The following CACNA1C variants were observed in gnomAD, a reference collection of about 807,000 sequenced individuals.
CACNA1C encodes the protein calcium voltage-gated channel subunit alpha1 C.
In CACNA1C, 30 loss-of-function variants were observed where a neutral mutation model predicts 229.0. The ratio of observed to expected loss-of-function variants is 0.13; its 90% CI spans 0.10 to 0.18. The LOEUF (loss-of-function observed/expected upper bound fraction) is 0.18. Among genes scored for constraint, CACNA1C ranks in the 10% least tolerant of loss-of-function variants. The pLI, the probability that CACNA1C is intolerant of heterozygous loss-of-function variation, is 1.00. For missense variants in CACNA1C, 1,658 were observed against 2,845.0 expected, an observed-to-expected ratio of 0.58 and a Z score of 9.49; for synonymous variants, 1,114 against 1,132.5, an observed-to-expected ratio of 0.98 and a Z score of 0.33.
rs148624132 is a variant in CACNA1C at position 2,286,519 on chromosome 12, A to G, written c.478-162457A>G. On this transcript the variant is annotated intron_variant, in intron 3 of 46. Coordinates refer to ENST00000399655, the MANE Select transcript of CACNA1C (RefSeq NM_000719.7). ...AACAGGGCCTGATGGCCCAGCACCC[A>G]GCTGCTTTGCAGTAGTTCTGGCTTC... 1.6e-3 allele frequency among the ~76,000 whole-genome samples: 245 copies of G among 152,326 alleles called. 2 individuals carry two copies. Among genetic ancestry groups the G allele is most frequent in the African/African-American group, 5.6e-3 (233 of 41,592 alleles).
In CACNA1C at chr12:2,602,597, G is replaced by A. The variant is rs1302377701; in HGVS notation, c.2960+637G>A. Among the ~76,000 whole-genome samples the A allele has an allele frequency of 2.6e-5, 4 of 151,142 alleles. No homozygotes were observed. The highest frequency in any genetic ancestry group is 5.9e-5 in the Non-Finnish European group (4 of 67,898). ...TGTATGTGCATATGTATGTGTGAGTGCATGTATGTGTGTGACTGTGTATAT... is the reference window on the plus strand; with the variant it reads ...TGTATGTGCATATGTATGTGTGAGTACATGTATGTGTGTGACTGTGTATAT... On this transcript the variant is annotated intron_variant, in intron 22 of 46. Coordinates refer to ENST00000399655, the MANE Select transcript of CACNA1C (RefSeq NM_000719.7). The surrounding 1 kb of genome is among the most constrained non-coding windows in gnomAD (Gnocchi z 4.4).
chr12:2,646,252 A>C lies in CACNA1C; in HGVS notation c.3913-2223A>C, dbSNP rs1015101255. 1 of 152,220 alleles carries C rather than the reference A, an allele frequency of 6.6e-6. No homozygotes were observed. Among genetic ancestry groups the C allele is most frequent in the African/African-American group, 2.4e-5 (1 of 41,454 alleles). 9.4% of individuals were successfully genotyped at this position (152,220 alleles called of 1,614,324 possible). On this transcript the variant is annotated intron_variant, in intron 30 of 46. Coordinates refer to ENST00000399655, the MANE Select transcript of CACNA1C (RefSeq NM_000719.7). The surrounding 1 kb of genome is among the most constrained non-coding windows in gnomAD (Gnocchi z 4.6). ...GAAGGATTCTGAATGTTTAAGAAGT[A>C]AAACAGGTTTTTTTTGGTTTTGTTT...
chr12:2,293,415 AT>A (rs1204350410), intron 3 of CACNA1C, among the ~76,000 whole-genome samples: 1 of 152,142 alleles, frequency 6.6e-6, no homozygotes, highest in Non-Finnish European at 1.5e-5. Context: ...TATAATTAAT[AT>A]TTTTCAGCCC....
At chr12:2,370,062 C>T (rs1023959748) in intron 3 of CACNA1C, among the ~76,000 whole-genome samples, 63 of 152,024 alleles carry the variant, frequency 4.1e-4, no homozygotes, top group Admixed American at 2.0e-4. Flanking sequence ...TGGCAAAGGA[C>T]GTGAACAGAT....
chr12:2,633,562 G>A lies in CACNA1C; in HGVS notation c.3829-735G>A. The stretch of plus-strand genomic sequence containing the variant: ...CCTGGACGATGATTCTGATGGTGGT[G>A]TTGCTCTGTTCTTGTCTGTCTAATA... On this transcript the variant is annotated intron_variant, in intron 29 of 46. Coordinates refer to ENST00000399655, the MANE Select transcript of CACNA1C (RefSeq NM_000719.7). This position sits in a 1 kb window ranked among gnomAD's most constrained non-coding sequence, Gnocchi z 5.8. The A allele has an allele frequency of 1.1e-6, 1 of 915,542 alleles. No homozygotes were observed. Among genetic ancestry groups the A allele is most frequent in the Non-Finnish European group, 1.8e-6 (1 of 547,558 alleles). The allele number at this position is 915,542 out of a possible 1,614,324, so 56.7% of individuals were successfully genotyped here.
chr12:2,420,001 C>T (rs563900469), intron 3 of CACNA1C, among the ~76,000 whole-genome samples: 2 of 152,270 alleles, frequency 1.3e-5, no homozygotes, highest in South Asian at 2.1e-4. Flanking sequence ...CTTGCTCTGG[C>T]CCTGCCAAGC....
At position 2,053,760 on chromosome 12, in the gene CACNA1C, C is replaced by T; in HGVS notation, c.49+149C>T. ...GGGGCGCCTCCGCCTCGTCGGAGCG[C>T]CCGGGAGCCCGGCGGGACCGGGGCC... On this transcript the variant is annotated intron_variant, in intron 1 of 46. Transcript: ENST00000399655. The surrounding 1 kb of genome is among the most constrained non-coding windows in gnomAD (Gnocchi z 5.8). The T allele has an allele frequency of 1.3e-6, 1 of 791,546 alleles. No homozygotes were observed. The highest frequency in any genetic ancestry group is 1.7e-6 in the Non-Finnish European group (1 of 602,100). The allele number at this position is 791,546 out of a possible 1,614,324, so 49.0% of individuals were successfully genotyped here. A position where few individuals can be genotyped will look rare whatever the true frequency, so the allele number is the denominator to read the frequency against.
intron 9 of CACNA1C, among the ~76,000 whole-genome samples, chr12:2,541,275 G>A (rs2099869545): frequency 1.3e-5 from 2 of 152,196 alleles, no homozygotes; most frequent in Admixed American, 6.5e-5. Context: ...AAATTACAGG[G>A]TGTTTTAGAT....
chr12:2,530,185 A>G (rs149080501), intron 9 of CACNA1C, among the ~76,000 whole-genome samples: 101 of 151,564 alleles, frequency 6.7e-4, no homozygotes, highest in African/African-American at 2.3e-3. Context: ...GCTAAGTTTA[A>G]TCAGATCAGT....
chr12:2,495,706 G>A (rs966634599), intron 7 of CACNA1C, among the ~76,000 whole-genome samples: 3 of 152,214 alleles, frequency 2.0e-5, no homozygotes, highest in African/African-American at 7.2e-5. Context: ...CAGTGTCAGA[G>A]GTGAAGAAAC....
Position 2,152,444 on chromosome 12 carries a change from C to T in CACNA1C, c.477+32014C>T, listed in dbSNP as rs1056712509. Among the ~76,000 whole-genome samples the T allele has an allele frequency of 2.6e-5, 4 of 152,202 alleles. No homozygotes were observed. Among genetic ancestry groups the T allele is most frequent in the African/African-American group, 7.2e-5 (3 of 41,454 alleles). On this transcript the variant is annotated intron_variant, in intron 3 of 46. Transcript: ENST00000399655. The surrounding 1 kb of genome is among the most constrained non-coding windows in gnomAD (Gnocchi z 4.2). ...CCCTTTCCCTTTCTCCCTCTGCAGG[C>T]GTGTTGCCGTCATGGTGAGGAGCCA...
At chr12:2,192,124 C>A (rs955977420) in intron 3 of CACNA1C, among the ~76,000 whole-genome samples, 3 of 152,152 alleles carry the variant, frequency 2.0e-5, no homozygotes, top group Non-Finnish European at 4.4e-5. Context: ...CCCCTCCCTC[C>A]CTCTCACGGT....
chr12:2,205,106 G>C (rs1055560788), intron 3 of CACNA1C, among the ~76,000 whole-genome samples: 4 of 152,158 alleles, frequency 2.6e-5, no homozygotes, highest in Non-Finnish European at 5.9e-5. Flanking sequence ...TCCACCCACA[G>C]CAGTCCCAGG....
Position 2,665,468 on chromosome 12 carries a change from G to A in CACNA1C, c.4399-113G>A. On this transcript the variant is annotated intron_variant, in intron 35 of 46. Coordinates refer to ENST00000399655, the MANE Select transcript of CACNA1C (RefSeq NM_000719.7). This position sits in a 1 kb window ranked among gnomAD's most constrained non-coding sequence, Gnocchi z 5.9. ...CTCAGGCTGGTAGGATGGATGACTG[G>A]TCTTTAGAAATGTTGGCTTCTGCCA... 1 of 1,131,956 alleles carries A rather than the reference G, an allele frequency of 8.8e-7. No homozygotes were observed. The highest frequency in any genetic ancestry group is 1.3e-6 in the Non-Finnish European group (1 of 762,546). 70.1% of individuals were successfully genotyped at this position (1,131,956 alleles called of 1,614,324 possible).
chr12:2,194,511 C>A (rs1181556862), intron 3 of CACNA1C, among the ~76,000 whole-genome samples: 1 of 151,888 alleles, frequency 6.6e-6, no homozygotes. Context: ...ATGTACTGTT[C>A]TTTCTCTTGG....
At chr12:2,122,989 G>A (rs900210436) in intron 3 of CACNA1C, among the ~76,000 whole-genome samples, 1 of 152,214 alleles carries the variant, frequency 6.6e-6, no homozygotes, top group Non-Finnish European at 1.5e-5. Flanking sequence ...CAGGGATGCC[G>A]ATGATTAGTC....
At position 2,668,837 on chromosome 12, in the gene CACNA1C, G is replaced by T. The variant is rs553073529; in HGVS notation, c.4624-96G>T. On this transcript the variant is annotated intron_variant, in intron 37 of 46. Coordinates refer to ENST00000399655, the MANE Select transcript of CACNA1C (RefSeq NM_000719.7). ...CAATTCAACATGAGATTTGGGCGAG[G>T]ACACAGAGCCAAACCATATCACTCT... 1.0e-5 allele frequency: 8 copies of T among 787,152 alleles called. No homozygotes were observed. In the East Asian group the frequency reaches 2.0e-4, roughly 19 times the overall value. 48.8% of individuals were successfully genotyped at this position (787,152 alleles called of 1,614,324 possible). A position where few individuals can be genotyped will look rare whatever the true frequency, so the allele number is the denominator to read the frequency against.
At chr12:2,472,939 C>T (rs1036939239) in intron 5 of CACNA1C, among the ~76,000 whole-genome samples, 1 of 152,186 alleles carries the variant, frequency 6.6e-6, no homozygotes, top group Non-Finnish European at 1.5e-5. Flanking sequence ...ATTTAATTTT[C>T]CCCTCCTGAT....
intron 3 of CACNA1C, among the ~76,000 whole-genome samples, chr12:2,400,375 G>A (rs1188541741): frequency 6.6e-6 from 1 of 152,126 alleles, no homozygotes; most frequent in African/African-American, 2.4e-5. Context: ...TACGGGGCAG[G>A]GGCTTATGTG....
Sources: allele counts gnomAD v4.1 joint callset (sites outside exome capture counted in the v4.1 genomes callset), GRCh38; gene constraint gnomAD v4.1.1; non-coding constraint Gnocchi (gnomAD v3.1); transcripts MANE v1.5; gene names NCBI Gene and HGNC (gene_info 2026-07-23, HGNC 2026-07-21).